The following RDX variants were observed in gnomAD, a reference collection of about 807,000 sequenced individuals.
RDX encodes the protein radixin.
A neutral mutation model predicts 83.7 loss-of-function variants in RDX; 32 were observed. The observed-to-expected ratio is 0.38, with a 90% CI of 0.29 to 0.51. The LOEUF (loss-of-function observed/expected upper bound fraction) is 0.51, where lower values mean the gene tolerates loss of function less well. Among genes scored for constraint, RDX ranks in the 20% least tolerant of loss-of-function variants. The pLI, the probability that RDX is intolerant of heterozygous loss-of-function variation, is 0.87. For synonymous variants in RDX, 229 were observed against 222.7 expected (o/e 1.03, Z -0.25); for missense variants, 600 against 689.9 (o/e 0.87, Z 1.46).
chr11:110,232,091 T>A lies in RDX; in HGVS notation c.1588-58A>T, dbSNP rs1426148393. 4 of 1,364,958 alleles carry A rather than the reference T, an allele frequency of 2.9e-6. No individual in the cohort carries two copies. In the African/African-American group the frequency reaches 4.4e-5, roughly 15 times the overall value. The allele number at this position is 1,364,958 out of a possible 1,614,324, so 84.6% of individuals were successfully genotyped here. Reference sequence around the variant, plus strand: ...TTTTTCTTAGATTTAAAAAAATTTATGAAAATGGCTTTAAGATGCAAAAAT... The same window carrying A: ...TTTTTCTTAGATTTAAAAAAATTTAAGAAAATGGCTTTAAGATGCAAAAAT... On this transcript the variant is annotated intron_variant, in intron 13 of 13. Coordinates refer to ENST00000645495, the MANE Select transcript of RDX (RefSeq NM_002906.4).
chr11:110,218,129 G>A (rs1258005841), intron 14 of RDX, among the ~76,000 whole-genome samples: 1 of 152,176 alleles, frequency 6.6e-6, no homozygotes, highest in African/African-American at 2.4e-5. Flanking sequence ...TATGGAGTGG[G>A]GCTCATGCCA....
chr11:110,228,403 A>T (rs530292390), downstream of RDX, among the ~76,000 whole-genome samples: 5 of 152,108 alleles, frequency 3.3e-5, no homozygotes, highest in Non-Finnish European at 7.4e-5. Flanking sequence ...AGAAAATGCT[A>T]AAGTTCTGTT....
intron 14 of RDX, among the ~76,000 whole-genome samples, chr11:110,206,238 C>CA (rs1863597287): frequency 8.4e-6 from 1 of 118,480 alleles, no homozygotes; most frequent in African/African-American, 3.4e-5. Context: ...GCCTGGACGA[C>CA]AGAGTGAGAG....
intron 1 of RDX, among the ~76,000 whole-genome samples, chr11:110,281,837 T>G (rs1469421738): frequency 6.6e-6 from 1 of 150,538 alleles, no homozygotes; most frequent in Non-Finnish European, 1.5e-5. Context: ...CCAGGCGCGA[T>G]AGCTCACGTG....
intron 9 of RDX, among the ~76,000 whole-genome samples, chr11:110,250,435 C>A (rs1231076213): frequency 6.6e-6 from 1 of 152,190 alleles, no homozygotes; most frequent in Non-Finnish European, 1.5e-5. Context: ...TCCCTCCCTC[C>A]TTTCCCAAGG....
intron 10 of RDX, among the ~76,000 whole-genome samples, chr11:110,246,023 G>C (rs1462718883): frequency 1.3e-5 from 2 of 152,050 alleles, no homozygotes; most frequent in African/African-American, 4.8e-5. Flanking sequence ...TCAGCCTCCT[G>C]AGTAGCTGAT....
chr11:110,197,647 G>A (rs751632032), intron 15 of RDX, among the ~76,000 whole-genome samples: 1 of 152,186 alleles, frequency 6.6e-6, no homozygotes, highest in Non-Finnish European at 1.5e-5. Flanking sequence ...AATCATAAAA[G>A]ATCAGGTAGA....
At chr11:110,288,540 A>G (rs1216955475) in intron 1 of RDX, 2 of 152,174 alleles carry the variant, frequency 1.3e-5, no homozygotes, top group Non-Finnish European at 2.9e-5. Context: ...ATTCTCACAA[A>G]TAATTCTACC....
chr11:110,192,564 T>C (rs559324436), intron 15 of RDX, among the ~76,000 whole-genome samples: 2 of 152,242 alleles, frequency 1.3e-5, no homozygotes, highest in African/African-American at 2.4e-5. Context: ...AAACTATCAA[T>C]AGAGTAAGCA....
In RDX at chr11:110,279,761, T is replaced by TAAA; in HGVS notation, c.-64-8_-64-6dup. The TAAA allele has an allele frequency of 1.3e-6, 1 of 765,514 alleles. No individual in the cohort carries two copies. Among genetic ancestry groups the TAAA allele is most frequent in the Non-Finnish European group, 2.2e-6 (1 of 464,368 alleles). 47.4% of individuals were successfully genotyped at this position (765,514 alleles called of 1,614,324 possible). ...AATGAATTCTGTTATCACTTTCTGTTAAAAAAAAAAAAGCATAATCTATTA... is the reference window on the plus strand; with the variant it reads ...AATGAATTCTGTTATCACTTTCTGTTAAAAAAAAAAAAAAAGCATAATCTATTA... On this transcript the variant is annotated splice_polypyrimidine_tract_variant and splice_region_variant and intron_variant, in intron 1 of 13. Transcript: ENST00000645495.
At chr11:110,287,039 A>T (rs979513711) in intron 1 of RDX, 3 of 152,168 alleles carry the variant, frequency 2.0e-5, no homozygotes, top group African/African-American at 2.4e-5. Flanking sequence ...TTTAAGTAAC[A>T]GTTAAGTTAT....
At chr11:110,233,760 A>T (rs994175779) in intron 12 of RDX, among the ~76,000 whole-genome samples, 1 of 152,222 alleles carries the variant, frequency 6.6e-6, no homozygotes, top group South Asian at 2.1e-4. Flanking sequence ...TCTGGCAAGG[A>T]TTATCAATTG....
intron 10 of RDX, among the ~76,000 whole-genome samples, chr11:110,239,430 GTCTA>G (rs1283591763): frequency 1.3e-5 from 2 of 152,194 alleles, no homozygotes; most frequent in African/African-American, 4.8e-5. Flanking sequence ...TCTACAAACT[GTCTA>G]TCTAAAAAAG....
At chr11:110,290,786 T>C (rs573345745) in intron 1 of RDX, among the ~76,000 whole-genome samples, 1 of 152,234 alleles carries the variant, frequency 6.6e-6, no homozygotes, top group Non-Finnish European at 1.5e-5. Flanking sequence ...AAAGCAGCCA[T>C]AGATAATATG....
intron 1 of RDX, among the ~76,000 whole-genome samples, chr11:110,295,781 C>T (rs1232729177): frequency 5.3e-5 from 8 of 152,348 alleles, no homozygotes; most frequent in South Asian, 4.1e-4. Flanking sequence ...ACTGAGCGGC[C>T]TCAAGGGCCC....
intron 14 of RDX, among the ~76,000 whole-genome samples, chr11:110,199,961 C>A (rs145510276): frequency 1.3e-5 from 2 of 152,174 alleles, no homozygotes; most frequent in Non-Finnish European, 2.9e-5. Flanking sequence ...AGCAACTCTA[C>A]ACAAGCTAAC....
In RDX at chr11:110,253,991, A is replaced by T. The variant is rs761276998; in HGVS notation, c.914T>A (p.Met305Lys). The T allele has an allele frequency of 6.2e-7, 1 of 1,613,754 alleles. No individual in the cohort carries two copies. Among genetic ancestry groups the T allele is most frequent in the Non-Finnish European group, 8.5e-7 (1 of 1,179,842 alleles). The change falls in exon 9 of 14, where the codon ATG becomes AAG. Residue 305 changes from methionine (M) to lysine (K), a missense_variant. Met to Lys is a moderately conservative substitution (Grantham distance 95). Transcript: ENST00000645495. ...TTTCTCCTCCCTAGCCTGAGCCTTCATCTGTTGTACTTCAATAGTATCAGG... is the reference window on the plus strand; with the variant it reads ...TTTCTCCTCCCTAGCCTGAGCCTTCTTCTGTTGTACTTCAATAGTATCAGG... ...RKPDTIEVQQMKAQAREEKHQ... is the reference protein window; with the variant it reads ...RKPDTIEVQQKKAQAREEKHQ...
At chr11:110,214,069 G>A (rs1377696755) in intron 14 of RDX, among the ~76,000 whole-genome samples, 2 of 114,582 alleles carry the variant, frequency 1.7e-5, no homozygotes, top group East Asian at 5.5e-4. Context: ...CAAAATGGGA[G>A]AAAATTTTCG....
chr11:110,193,754 A>G (rs1235920121), intron 15 of RDX, among the ~76,000 whole-genome samples: 3 of 152,154 alleles, frequency 2.0e-5, no homozygotes, highest in Non-Finnish European at 4.4e-5. Flanking sequence ...CCAAATTCCA[A>G]CTACTAATTA....
Sources: allele counts gnomAD v4.1 joint callset (sites outside exome capture counted in the v4.1 genomes callset), GRCh38; gene constraint gnomAD v4.1.1; transcripts MANE v1.5; gene names NCBI Gene and HGNC (gene_info 2026-07-23, HGNC 2026-07-21).